Variants in SUZ12 observed in about 807,000 individuals in gnomAD.
The protein encoded by SUZ12 is SUZ12 polycomb repressive complex 2 subunit, also known as polycomb protein SUZ12.
A neutral mutation model predicts 87.3 loss-of-function variants in SUZ12; 17 were observed. That is an observed-to-expected ratio of 0.19 (90% confidence interval 0.13 to 0.29). The LOEUF is 0.29. Ranked by LOEUF, SUZ12 falls within the 10% of genes least tolerant of loss-of-function variation. The probability of loss-of-function intolerance (pLI) is 1.00; values close to 1 mark genes in which losing one functional copy is unlikely to be tolerated. For synonymous variants in SUZ12, 253 were observed against 312.4 expected (o/e 0.81, Z 2.01); for missense variants, 526 against 912.2 (o/e 0.58, Z 5.45).
intron 8 of SUZ12, 78 bp downstream of exon 8, chr17:31,976,692 A>G (rs1908772471): frequency 4.7e-6 from 5 of 1,053,590 alleles, no homozygotes; most frequent in Non-Finnish European, 6.8e-6. Flanking sequence ...AATTATTTAT[A>G]TTGATTATTT....
rs1304511788 is a variant in SUZ12 at position 32,000,480 on chromosome 17, T to C, written c.*1477T>C. ...ATTGATTTTTGTGTTTAAAAAAAAATAGGAAAGAGGGAAACTGCAGCTTTC... is the reference window on the plus strand; with the variant it reads ...ATTGATTTTTGTGTTTAAAAAAAAACAGGAAAGAGGGAAACTGCAGCTTTC... On this transcript the variant is annotated 3_prime_UTR_variant, in exon 16 of 16. Coordinates refer to ENST00000322652, the MANE Select transcript of SUZ12 (RefSeq NM_015355.4). The C allele has an allele frequency of 8.6e-6, 2 of 232,190 alleles. No individual in the cohort carries two copies. Among genetic ancestry groups the C allele is most frequent in the Non-Finnish European group, 8.5e-6 (1 of 117,582 alleles). 14.4% of individuals were successfully genotyped at this position (232,190 alleles called of 1,614,324 possible). A position where few individuals can be genotyped will look rare whatever the true frequency, so the allele number is the denominator to read the frequency against.
chr17:31,986,621 G>A (rs1054832119), intron 9 of SUZ12, among the ~76,000 whole-genome samples: 35 of 151,744 alleles, frequency 2.3e-4, no homozygotes, highest in African/African-American at 7.7e-4. Context: ...GTGCAATTTC[G>A]GCTCACTGCA....
At chr17:31,998,182 C>T (rs1019699688) in intron 15 of SUZ12, among the ~76,000 whole-genome samples, 2 of 151,642 alleles carry the variant, frequency 1.3e-5, no homozygotes, top group African/African-American at 4.9e-5. Flanking sequence ...CAGGTTCACA[C>T]CATTCTCCTG....
chr17:31,943,723 C>G (rs1164313333), intron 3 of SUZ12, among the ~76,000 whole-genome samples: 2 of 150,812 alleles, frequency 1.3e-5, no homozygotes, highest in South Asian at 2.1e-4. Flanking sequence ...TTTTTTGAGA[C>G]AGAGTCTTGC....
In SUZ12 at chr17:31,999,787, T is replaced by C. The variant is rs867074783; in HGVS notation, c.*784T>C. 7.7e-5 allele frequency: 18 copies of C among 232,386 alleles called. No homozygotes were observed. Among genetic ancestry groups the C allele is most frequent in the Middle Eastern group, 2.5e-3 (2 of 800 alleles). The allele number at this position is 232,386 out of a possible 1,614,324, so 14.4% of individuals were successfully genotyped here. On this transcript the variant is annotated 3_prime_UTR_variant, in exon 16 of 16. Coordinates refer to ENST00000322652, the MANE Select transcript of SUZ12 (RefSeq NM_015355.4). The stretch of plus-strand genomic sequence containing the variant: ...GAACATTTTGCTTGTTTTGTTTTTC[T>C]TTTTTAATTAGATAATCACACGGAA...
intron 4 of SUZ12, among the ~76,000 whole-genome samples, chr17:31,961,325 T>C (rs573849286): frequency 6.6e-5 from 10 of 152,284 alleles, no homozygotes; most frequent in South Asian, 6.2e-4. Flanking sequence ...GGTGGGTGGA[T>C]CACCTGAGGT....
intron 12 of SUZ12, 188 bp from the exon 13 acceptor site, chr17:31,994,376 A>T (rs902403077): frequency 2.5e-5 from 12 of 480,854 alleles, no homozygotes; most frequent in Non-Finnish European, 4.2e-5. Context: ...CCAAGCAATA[A>T]ATGACATAGT....
At chr17:31,946,007 C>T (rs1906613142) in intron 3 of SUZ12, among the ~76,000 whole-genome samples, 1 of 151,972 alleles carries the variant, frequency 6.6e-6, no homozygotes, top group African/African-American at 2.4e-5. Flanking sequence ...TATTGCCATC[C>T]TTCAGAAAGC....
intron 5 of SUZ12, among the ~76,000 whole-genome samples, chr17:31,971,365 T>C (rs1908418996): frequency 6.6e-6 from 1 of 152,024 alleles, no homozygotes; most frequent in Non-Finnish European, 1.5e-5. Context: ...TCTAGTAGAT[T>C]TTAGGAGAAG....
intron 4 of SUZ12, among the ~76,000 whole-genome samples, chr17:31,961,915 C>T (rs1305304009): frequency 6.6e-6 from 1 of 152,098 alleles, no homozygotes; most frequent in East Asian, 1.9e-4. Context: ...ATTTGTATTA[C>T]TCTAGGAGGA....
intron 9 of SUZ12, among the ~76,000 whole-genome samples, chr17:31,984,158 A>G (rs777786161): frequency 6.6e-6 from 1 of 152,236 alleles, no homozygotes; most frequent in Non-Finnish European, 1.5e-5. Context: ...CATAAAGTTA[A>G]GAGAACTTAA....
chr17:31,963,623 A>G (rs776551777), intron 4 of SUZ12, among the ~76,000 whole-genome samples: 23 of 151,700 alleles, frequency 1.5e-4, no homozygotes, highest in Admixed American at 1.4e-3. Flanking sequence ...TTTGAGTTCA[A>G]GCAATTCTCC....
intron 10 of SUZ12, among the ~76,000 whole-genome samples, chr17:31,990,028 C>A (rs527859491): frequency 6.6e-6 from 1 of 151,228 alleles, no homozygotes. Context: ...GATCTCAGCT[C>A]ACTGCAAGCT....
At chr17:31,961,710 TAACA>T (rs1379681604) in intron 4 of SUZ12, among the ~76,000 whole-genome samples, 1 of 152,254 alleles carries the variant, frequency 6.6e-6, no homozygotes, top group Non-Finnish European at 1.5e-5. Context: ...TGTAGAATGG[TAACA>T]TTTTTCTTAA....
At chr17:31,995,097 A>T (rs552715228) in intron 13 of SUZ12, among the ~76,000 whole-genome samples, 8 of 152,332 alleles carry the variant, frequency 5.3e-5, no homozygotes, top group Admixed American at 5.2e-4. Flanking sequence ...ACTTCGTCTC[A>T]AATAATAATA....
intron 3 of SUZ12, 119 bp from the exon 4 acceptor site, chr17:31,947,498 A>T: frequency 1.5e-6 from 2 of 1,292,858 alleles, no homozygotes; most frequent in Non-Finnish European, 2.1e-6. Flanking sequence ...TCCATAATTT[A>T]TCTTACTAAA....
chr17:31,962,620 ACT>A (rs1191697213), intron 4 of SUZ12, among the ~76,000 whole-genome samples: 2 of 152,130 alleles, frequency 1.3e-5, no homozygotes, highest in African/African-American at 2.4e-5. Context: ...TAAGCCTCAC[ACT>A]CTCTGTGAGA....
chr17:31,975,466 A>G lies in SUZ12; in HGVS notation c.592-16A>G. ...ATATACAAATAAATATAAATTAATA[A>G]TGTTTACCTTTGCAGGATGTAAGTT... On this transcript the variant is annotated splice_polypyrimidine_tract_variant and intron_variant, in intron 6 of 15. Transcript: ENST00000322652. 1 of 1,536,732 alleles carries G rather than the reference A, an allele frequency of 6.5e-7. No individual in the cohort carries two copies. The highest frequency in any genetic ancestry group is 8.8e-7 in the Non-Finnish European group (1 of 1,130,670).
chr17:31,975,858 A>G (rs891017809), intron 7 of SUZ12, 145 bp downstream of exon 7: 3 of 650,826 alleles, frequency 4.6e-6, no homozygotes, highest in Non-Finnish European at 2.5e-6. Flanking sequence ...TTTGTTGTGC[A>G]AATTTTCAAA....
Sources: allele counts gnomAD v4.1 joint callset (sites outside exome capture counted in the v4.1 genomes callset), GRCh38; gene constraint gnomAD v4.1.1; transcripts MANE v1.5; gene names NCBI Gene and HGNC (gene_info 2026-07-23, HGNC 2026-07-21).